FAM13C: variants seen among roughly 807,000 people sequenced by gnomAD.
FAM13C encodes protein FAM13C.
A neutral mutation model predicts 73.2 loss-of-function variants in FAM13C; 37 were observed. The ratio of observed to expected loss-of-function variants is 0.51; its 90% CI spans 0.39 to 0.67. FAM13C has a LOEUF of 0.67. Ranked by LOEUF, FAM13C falls within the 30% of genes least tolerant of loss-of-function variation. The pLI, the probability that FAM13C is intolerant of heterozygous loss-of-function variation, is 0.00. For missense variants in FAM13C, 589 were observed against 715.6 expected (o/e 0.82, Z 2.02); for synonymous variants, 246 against 260.9 (o/e 0.94, Z 0.55).
At chr10:59,333,497 A>G (rs923137700) in intron 3 of FAM13C, among the ~76,000 whole-genome samples, 2 of 152,288 alleles carry the variant, frequency 1.3e-5, no homozygotes, top group Admixed American at 1.3e-4. Context: ...CAAAAAAATT[A>G]AATAAATAAA....
intron 6 of FAM13C, among the ~76,000 whole-genome samples, chr10:59,270,893 C>G (rs1395125881): frequency 6.6e-6 from 1 of 152,140 alleles, no homozygotes; most frequent in Non-Finnish European, 1.5e-5. Flanking sequence ...CTCTCCCCGG[C>G]TAGCCATCTC....
At chr10:59,335,201 TC>T (rs1394770569) in intron 3 of FAM13C, among the ~76,000 whole-genome samples, 1 of 152,106 alleles carries the variant, frequency 6.6e-6, no homozygotes, top group Non-Finnish European at 1.5e-5. Flanking sequence ...TAGAATATAT[TC>T]CCCCAGAGGT....
intron 4 of FAM13C, among the ~76,000 whole-genome samples, chr10:59,311,991 C>T (rs76140416): frequency 9.3e-4 from 142 of 151,948 alleles, no homozygotes; most frequent in African/African-American, 3.3e-3. Flanking sequence ...GTGACAAAGT[C>T]GACACAATCT....
chr10:59,356,868 G>A (rs749971921), intron 1 of FAM13C, among the ~76,000 whole-genome samples: 1 of 152,142 alleles, frequency 6.6e-6, no homozygotes, highest in African/African-American at 2.4e-5. Context: ...CTACCAATGC[G>A]GCTAGAATAA....
chr10:59,355,944 C>A lies in FAM13C; in HGVS notation c.63-1G>T, dbSNP rs746209974. 5.6e-6 allele frequency: 9 copies of A among 1,613,826 alleles called. No homozygotes were observed. The Admixed American group carries it at 1.3e-4, about 24-fold the overall frequency. On this transcript the variant is annotated splice_acceptor_variant, in intron 1 of 13. Transcript: ENST00000618804. LOFTEE classifies it high-confidence loss of function. Reference sequence around the variant, plus strand: ...TAGAGAGACTGGATCTTCGTCACACCTGGAAGAGTGGGAAGAAAAATCACA... The same window carrying A: ...TAGAGAGACTGGATCTTCGTCACACATGGAAGAGTGGGAAGAAAAATCACA...
At position 59,337,658 on chromosome 10, in the gene FAM13C, T is replaced by C. The variant is rs867380487; in HGVS notation, c.325-13552A>G. On this transcript the variant is annotated intron_variant, in intron 3 of 13. Transcript: ENST00000618804. ...GATAGGAACTTTCCATTTTCTTTTT[T>C]TTCTTTTTCTTTTTTTTTTTTTTTT... Among the ~76,000 whole-genome samples, 13 of 133,894 alleles carry C rather than the reference T, an allele frequency of 9.7e-5. 1 individual carries two copies. In the South Asian group the frequency reaches 1.4e-3, roughly 15 times the overall value. 87.8% of individuals were successfully genotyped at this position (133,894 alleles called of 152,430 possible).
At chr10:59,312,353 T>C (rs1438401219) in intron 4 of FAM13C, among the ~76,000 whole-genome samples, 1 of 152,148 alleles carries the variant, frequency 6.6e-6, no homozygotes, top group Non-Finnish European at 1.5e-5. Flanking sequence ...CAAGATTTTC[T>C]TTCTCTCCCA....
At chr10:59,291,159 A>G (rs181029579) in intron 5 of FAM13C, among the ~76,000 whole-genome samples, 133 of 152,116 alleles carry the variant, frequency 8.7e-4, no homozygotes, top group African/African-American at 2.7e-3. Context: ...TGACTCCCTC[A>G]TTGCCTTTTT....
At chr10:59,251,777 A>G in intron 12 of FAM13C, 101 bp from the exon 13 acceptor site, 1 of 877,354 alleles carries the variant, frequency 1.1e-6, no homozygotes, top group Non-Finnish European at 1.8e-6. Context: ...CTATGATTGA[A>G]AAGTGTTCCC....
chr10:59,328,418 T>C (rs985424455), intron 3 of FAM13C, among the ~76,000 whole-genome samples: 2 of 152,234 alleles, frequency 1.3e-5, no homozygotes, highest in African/African-American at 4.8e-5. Context: ...CTAGTTTTGA[T>C]CAAATGGCAT....
At chr10:59,293,069 C>CTTT (rs148715812) in intron 5 of FAM13C, among the ~76,000 whole-genome samples, 4,124 of 109,080 alleles carry the variant, frequency 0.038, 412 homozygotes, top group African/African-American at 0.1. Flanking sequence ...TTTTCTTTTT[C>CTTT]TTTTTTTTTT....
rs754374341 is a variant in FAM13C, at chr10:59,324,040, T to G, written c.391A>C (p.Ser131Arg). ...CACTTGAAGGCATTGTTTTGTGGAC[T>G]CTCATGAGCTGGTGTTCCTGCTCTC... is the stretch of plus-strand genomic sequence containing the variant. The part of the protein sequence containing the change: ...QVRAGTPAHE[S>R]PQNNAFKCQE... The change falls in exon 4 of 14, where the codon AGT becomes CGT. Residue 131 changes from serine to arginine, a missense_variant. By Grantham distance (110) the Ser-to-Arg change is moderately radical. Transcript: ENST00000618804. 1.2e-6 allele frequency: 2 copies of G among 1,614,128 alleles called. No homozygotes were observed. The highest frequency in any genetic ancestry group is 2.2e-5 in the East Asian group (1 of 44,876).
Position 59,268,620 on chromosome 10 carries a change from T to G in FAM13C, c.875A>C (p.His292Pro), listed in dbSNP as rs920286389. The G allele has an allele frequency of 6.2e-7, 1 of 1,613,634 alleles. No homozygotes were observed. The highest frequency in any genetic ancestry group is 1.3e-5 in the African/African-American group (1 of 74,922). ...AATTTTCCGCTTGAGGCTCTGGATG[T>G]GCTTGGTGAGCTGGGTGATGGTCTG... Reference protein sequence around the residue: ...EPQTITQLTKHIQSLKRKIRK... With the variant: ...EPQTITQLTKPIQSLKRKIRK... Residue 292 changes from histidine to proline, a missense_variant, in exon 8 of 14, where the codon CAC becomes CCC. Coordinates refer to ENST00000618804, the MANE Select transcript of FAM13C (RefSeq NM_198215.4).
intron 10 of FAM13C, among the ~76,000 whole-genome samples, chr10:59,261,845 TAATA>T (rs1316001845): frequency 6.6e-6 from 1 of 152,132 alleles, no homozygotes; most frequent in Non-Finnish European, 1.5e-5. Context: ...TTGTAAAATA[TAATA>T]AATCTTTTCT....
At chr10:59,271,405 C>G (rs1250620916) in intron 6 of FAM13C, among the ~76,000 whole-genome samples, 1 of 152,144 alleles carries the variant, frequency 6.6e-6, no homozygotes, top group Non-Finnish European at 1.5e-5. Flanking sequence ...CTGGCTTCTC[C>G]CCTGGTGGAT....
At chr10:59,288,254 G>A (rs192871692) in intron 5 of FAM13C, among the ~76,000 whole-genome samples, 4 of 152,302 alleles carry the variant, frequency 2.6e-5, no homozygotes, top group Non-Finnish European at 5.9e-5. Flanking sequence ...CACTTTGGGA[G>A]GCCGAGGTGG....
chr10:59,323,781 T>C (rs1448904518), intron 4 of FAM13C, among the ~76,000 whole-genome samples: 2 of 152,192 alleles, frequency 1.3e-5, no homozygotes, highest in Admixed American at 6.5e-5. Context: ...TATTTTCAAA[T>C]GGAAGACAGA....
intron 3 of FAM13C, 100 bp from the exon 4 acceptor site, chr10:59,324,206 G>T: frequency 1.2e-6 from 1 of 859,682 alleles, no homozygotes. Context: ...AAGCAGCAAT[G>T]CATAACACAT....
At chr10:59,280,583 C>T (rs1187895284) in intron 6 of FAM13C, among the ~76,000 whole-genome samples, 1 of 152,188 alleles carries the variant, frequency 6.6e-6, no homozygotes, top group African/African-American at 2.4e-5. Context: ...GTTTATGAAA[C>T]ACACAGATTC....
Sources: gnomAD v4.1 joint callset for allele counts (sites outside exome capture counted in the v4.1 genomes callset) on GRCh38, gnomAD v4.1.1 for gene constraint, MANE v1.5 for transcripts, NCBI Gene and HGNC (gene_info 2026-07-23, HGNC 2026-07-21) for gene names.